Variants in ANXA8 observed in about 807,000 individuals in gnomAD.
ANXA8 encodes annexin A8.
ANXA8 carries 9 observed loss-of-function variants against 26.8 expected under a neutral mutation model. The observed-to-expected ratio is 0.34, with a 90% CI of 0.20 to 0.59. ANXA8 has a LOEUF of 0.59. Among genes scored for constraint, ANXA8 ranks in the 20% least tolerant of loss-of-function variants. The pLI, the probability that ANXA8 is intolerant of heterozygous loss-of-function variation, is 0.84. For synonymous variants in ANXA8, 39 were observed against 94.8 expected (o/e 0.41, Z 3.42); for missense variants, 83 against 238.5 (o/e 0.35, Z 4.29).
the ANXA8 span, among the ~76,000 whole-genome samples, chr10:47,533,214 C>T: frequency 5.6e-5 from 8 of 141,732 alleles, no homozygotes; most frequent in Non-Finnish European, 9.2e-5. Flanking sequence ...CACACACACA[C>T]ACACACACAC....
At chr10:47,672,362 A>G in the ANXA8 span, among the ~76,000 whole-genome samples, 1 of 151,958 alleles carries the variant, frequency 6.6e-6, no homozygotes, top group African/African-American at 2.4e-5. Context: ...AAAGAATAAT[A>G]TGTTGTCTAA....
At chr10:47,675,319 C>T in the ANXA8 span, among the ~76,000 whole-genome samples, 1 of 149,474 alleles carries the variant, frequency 6.7e-6, no homozygotes, top group Non-Finnish European at 1.5e-5. Flanking sequence ...TCTGAAAACT[C>T]CTGCTCCAAT....
At chr10:47,545,982 A>G in the ANXA8 span, among the ~76,000 whole-genome samples, 1 of 57,408 alleles carries the variant, frequency 1.7e-5, no homozygotes, top group Non-Finnish European at 3.3e-5. Context: ...GGCCACTAGG[A>G]TATAAACATC....
chr10:47,562,896 A>C, the ANXA8 span, among the ~76,000 whole-genome samples: 2 of 150,150 alleles, frequency 1.3e-5, no homozygotes, highest in African/African-American at 4.9e-5. Flanking sequence ...GGTATTTTGA[A>C]CCTGGTGACT....
chr10:47,976,445 C>T, the ANXA8 span, among the ~76,000 whole-genome samples: 1 of 151,532 alleles, frequency 6.6e-6, no homozygotes, highest in Non-Finnish European at 1.5e-5. Flanking sequence ...TGGTGGCTCA[C>T]TCCTATAATC....
the ANXA8 span, among the ~76,000 whole-genome samples, chr10:47,558,887 T>C: frequency 6.6e-6 from 1 of 151,592 alleles, no homozygotes; most frequent in South Asian, 2.1e-4. Flanking sequence ...AAGATCCTTC[T>C]TGCTTCATTT....
the ANXA8 span, among the ~76,000 whole-genome samples, chr10:47,942,348 C>A: frequency 1.4e-5 from 2 of 144,924 alleles, no homozygotes; most frequent in Non-Finnish European, 3.0e-5. Flanking sequence ...AAGCCTCTGA[C>A]ACCTTTTGCA....
the ANXA8 span, among the ~76,000 whole-genome samples, chr10:47,654,173 G>A: frequency 6.6e-6 from 1 of 150,802 alleles, no homozygotes; most frequent in African/African-American, 2.5e-5. Flanking sequence ...AGTGTAGTGG[G>A]TTGTCATGGG....
chr10:47,973,948 G>A, the ANXA8 span, among the ~76,000 whole-genome samples: 3 of 151,050 alleles, frequency 2.0e-5, no homozygotes, highest in Non-Finnish European at 3.0e-5. Flanking sequence ...TAATTTCAGA[G>A]CTTGATATTG....
the ANXA8 span, among the ~76,000 whole-genome samples, chr10:47,727,223 A>G: frequency 2.6e-5 from 4 of 152,306 alleles, no homozygotes; most frequent in African/African-American, 7.2e-5. Flanking sequence ...ACTTAACTCT[A>G]GTTTTATAAG....
chr10:47,979,128 G>A, the ANXA8 span, among the ~76,000 whole-genome samples: 1 of 150,670 alleles, frequency 6.6e-6, no homozygotes, highest in Non-Finnish European at 1.5e-5. Flanking sequence ...AGAAGACATG[G>A]CAATTAAGAA....
At chr10:47,737,068 C>T in the ANXA8 span, among the ~76,000 whole-genome samples, 1 of 148,248 alleles carries the variant, frequency 6.7e-6, no homozygotes, top group Non-Finnish European at 1.5e-5. Flanking sequence ...GTGGGAGAAG[C>T]CTTTTATTAA....
the ANXA8 span, among the ~76,000 whole-genome samples, chr10:47,730,757 AC>A: frequency 1.3e-5 from 2 of 148,666 alleles, no homozygotes; most frequent in Non-Finnish European, 3.0e-5. Flanking sequence ...CAGGCATCGT[AC>A]TAAGTATGGG....
At chr10:47,502,155 G>C in the ANXA8 span, 4 of 1,567,074 alleles carry the variant, frequency 2.6e-6, no homozygotes, top group South Asian at 4.5e-5. Flanking sequence ...GCGTAGGTCA[G>C]CGCTGTGTTC....
chr10:47,970,796 G>A, the ANXA8 span, among the ~76,000 whole-genome samples: 1 of 151,368 alleles, frequency 6.6e-6, no homozygotes, highest in Admixed American at 6.6e-5. Flanking sequence ...GGACCGTAAT[G>A]GACAAAACAG....
chr10:47,733,233 CTCTTTCTTTCTT>C, the ANXA8 span, among the ~76,000 whole-genome samples: 1,086 of 59,616 alleles, frequency 0.018, 27 homozygotes, highest in African/African-American at 0.03. Context: ...CTTTCTTTCT[CTCTTTCTTTCTT>C]TCTTTCTTTC....
chr10:47,749,049 A>G, the ANXA8 span, among the ~76,000 whole-genome samples: 1 of 80,442 alleles, frequency 1.2e-5, no homozygotes, highest in Non-Finnish European at 2.5e-5. Flanking sequence ...CCTGAGCAAC[A>G]TGGTGAAATC....
At chr10:47,674,447 C>T in the ANXA8 span, among the ~76,000 whole-genome samples, 1 of 151,584 alleles carries the variant, frequency 6.6e-6, no homozygotes, top group Non-Finnish European at 1.5e-5. Context: ...ATTTTCATCA[C>T]ATCATATTAA....
At chr10:47,967,309 A>G in the ANXA8 span, among the ~76,000 whole-genome samples, 2 of 151,066 alleles carry the variant, frequency 1.3e-5, no homozygotes, top group African/African-American at 4.9e-5. Context: ...TTTTTTATTC[A>G]TCTGGAGAAA....
Sources: allele counts gnomAD v4.1 joint callset (sites outside exome capture counted in the v4.1 genomes callset), GRCh38; gene constraint gnomAD v4.1.1; transcripts MANE v1.5; gene names NCBI Gene and HGNC (gene_info 2026-07-23, HGNC 2026-07-21).